The following CELSR1 variants were observed in gnomAD, a reference collection of about 807,000 sequenced individuals.
CELSR1 encodes the protein adhesion G protein-coupled receptor C1.
In CELSR1, 110 loss-of-function variants were observed where a neutral mutation model predicts 249.1. The observed-to-expected ratio is 0.44, with a 90% confidence interval of 0.38 to 0.52. The LOEUF is 0.52. CELSR1 is among the 20% of genes least tolerant of loss of function. CELSR1 has a pLI of 0.00. For missense variants in CELSR1, 4,109 were observed against 4,296.4 expected, an observed-to-expected ratio of 0.96 and a Z score of 1.22; for synonymous variants, 2,113 against 1,900.0, an observed-to-expected ratio of 1.11 and a Z score of -2.92.
At chr22:46,524,541 CGTGTGTGTGT>C (rs71192413) in intron 1 of CELSR1, among the ~76,000 whole-genome samples, 2 of 77,828 alleles carry the variant, frequency 2.6e-5, no homozygotes, top group Non-Finnish European at 2.6e-5. Context: ...CCGTTGTGTG[CGTGTGTGTGT>C]GTGTGTGTGT....
chr22:46,536,845 G>C lies in CELSR1; in HGVS notation c.326C>G (p.Thr109Arg). ...ACGGGCTCCGCAGCCGGGAAGGTGC[G>C]TGCGCGCCCGCAGGCGGCGGCTCAG... Reference protein sequence around the residue: ...TALSRRLRARTHLPGCGARAR... With the variant: ...TALSRRLRARRHLPGCGARAR... Residue 109 changes from threonine to arginine, a missense_variant, in exon 1 of 35, where the codon ACG (threonine) becomes AGG (arginine). Physicochemically the swap from Thr to Arg is moderately conservative, Grantham distance 71 (BLOSUM62 -1). Around this residue, in one of 7 missense-constraint regions of CELSR1, gnomAD observed 673 missense variants for 636.8 expected, o/e 1.06. Coordinates refer to ENST00000674500, the MANE Select transcript of CELSR1 (RefSeq NM_001378328.1). 8.1e-7 allele frequency: 1 copy of C among 1,232,656 alleles called. No homozygotes were observed. Among genetic ancestry groups the C allele is most frequent in the Non-Finnish European group, 1.0e-6 (1 of 983,774 alleles). 76.4% of individuals were successfully genotyped at this position (1,232,656 alleles called of 1,614,324 possible).
chr22:46,534,595 G>A lies in CELSR1; in HGVS notation c.2576C>T (p.Thr859Met), dbSNP rs375675019. 8.1e-6 allele frequency: 13 copies of A among 1,613,760 alleles called. No homozygotes were observed. Among genetic ancestry groups the A allele is most frequent in the East Asian group, 6.7e-5 (3 of 44,902 alleles). Residue 859 changes from threonine (T) to methionine (M), a missense_variant, in exon 1 of 35, where the codon ACG becomes ATG. Thr to Met is a moderately conservative substitution (Grantham distance 81). This residue lies in a region of CELSR1 where 886 missense variants were observed against 896.5 expected (regional missense o/e 0.99). Transcript: ENST00000674500. This position sits in a 1 kb window ranked among gnomAD's most constrained non-coding sequence, Gnocchi z 9.7. ...ELDYENQVAYTLTIMAQDNGI... is the reference protein window; with the variant it reads ...ELDYENQVAYMLTIMAQDNGI... ...GTTGTCCTGGGCCATGATGGTCAGC[G>A]TGTAGGCGACCTGGTTCTCATAGTC...
intron 2 of CELSR1, among the ~76,000 whole-genome samples, chr22:46,456,233 C>T (rs369404362): frequency 3.9e-5 from 6 of 152,248 alleles, no homozygotes; most frequent in African/African-American, 1.2e-4. Flanking sequence ...GCTAAGCAGA[C>T]GTCACTCCGC....
At chr22:46,405,352 C>T (rs911418797) in intron 9 of CELSR1, among the ~76,000 whole-genome samples, 19 of 149,166 alleles carry the variant, frequency 1.3e-4, no homozygotes, top group Non-Finnish European at 2.5e-4. Flanking sequence ...CCCAACTACT[C>T]GGGAGGCTGA....
chr22:46,390,428 G>A lies in CELSR1; in HGVS notation c.6309C>T (p.Asn2103=), dbSNP rs2079077348. 2 of 1,613,824 alleles carry A rather than the reference G, an allele frequency of 1.2e-6. No homozygotes were observed. Among genetic ancestry groups the A allele is most frequent in the South Asian group, 1.1e-5 (1 of 91,014 alleles). ...EKGWLPPELF[N]CTTISFVDLR... Reference sequence around the variant, plus strand: ...GGTCCACGAAGGAGATGGTGGTACAGTTAAAGAGCTCTGGGGGCAGCCAGC... The same window carrying A: ...GGTCCACGAAGGAGATGGTGGTACAATTAAAGAGCTCTGGGGGCAGCCAGC... Residue 2103 remains asparagine, a synonymous_variant, in exon 17 of 35, where the codon AAC becomes AAT. Transcript: ENST00000674500. This position sits in a 1 kb window ranked among gnomAD's most constrained non-coding sequence, Gnocchi z 6.3.
chr22:46,493,511 A>C (rs1602209105), intron 1 of CELSR1, among the ~76,000 whole-genome samples: 1 of 149,456 alleles, frequency 6.7e-6, no homozygotes, highest in Non-Finnish European at 1.5e-5. Context: ...ATGCCATTGC[A>C]CTCCAGCCTG....
chr22:46,387,373 G>A (rs1018891752), intron 18 of CELSR1, among the ~76,000 whole-genome samples: 2 of 144,154 alleles, frequency 1.4e-5, no homozygotes, highest in African/African-American at 5.9e-5. Context: ...AAGTCTTTTT[G>A]TTTGTTTGTT....
chr22:46,457,323 C>T (rs1261067416), intron 2 of CELSR1, among the ~76,000 whole-genome samples: 2 of 151,854 alleles, frequency 1.3e-5, no homozygotes, highest in Non-Finnish European at 2.9e-5. Flanking sequence ...CCAGCCCGGG[C>T]AACAGAGCAA....
rs1021094842 is a variant in CELSR1, at chr22:46,488,440, C to T, written c.3545-24095G>A. Among the ~76,000 whole-genome samples the T allele has an allele frequency of 1.3e-5, 2 of 152,178 alleles. No homozygotes were observed. Among genetic ancestry groups the T allele is most frequent in the Admixed American group, 1.3e-4 (2 of 15,280 alleles). On this transcript the variant is annotated intron_variant, in intron 1 of 34. Transcript: ENST00000674500. The surrounding 1 kb of genome is among the most constrained non-coding windows in gnomAD (Gnocchi z 4.7). ...AGGAGGCCACCGTAGTGCCATAGAG[C>T]GTGCACCTAGGCGTGCGTGCCAGTG...
intron 2 of CELSR1, among the ~76,000 whole-genome samples, chr22:46,463,447 C>T (rs911588614): frequency 6.6e-6 from 1 of 150,958 alleles, no homozygotes; most frequent in Admixed American, 6.6e-5. Flanking sequence ...ACCGAGGAGG[C>T]GGAGGTTGTA....
rs1422457748 is a variant in CELSR1, at chr22:46,437,424, G to C, written c.4407-1135C>G. 1.3e-5 allele frequency among the ~76,000 whole-genome samples: 2 copies of C among 152,202 alleles called. No homozygotes were observed. The highest frequency in any genetic ancestry group is 2.1e-4 in the South Asian group (1 of 4,836). On this transcript the variant is annotated intron_variant, in intron 3 of 34. Coordinates refer to ENST00000674500, the MANE Select transcript of CELSR1 (RefSeq NM_001378328.1). This position sits in a 1 kb window ranked among gnomAD's most constrained non-coding sequence, Gnocchi z 4.9. ...CTGCAGCAGGAGTCGGCCCGAGCCA[G>C]CCTCGAGCATCTGACCTCAGCCTTT...
intron 18 of CELSR1, among the ~76,000 whole-genome samples, chr22:46,387,369 T>TG (rs2079043899): frequency 6.6e-6 from 1 of 152,082 alleles, no homozygotes. Context: ...AAGGAAGTCT[T>TG]TTTGTTTGTT....
chr22:46,410,290 A>T lies in CELSR1; in HGVS notation c.4933+108T>A. The T allele has an allele frequency of 7.1e-7, 1 of 1,412,866 alleles. No individual in the cohort carries two copies. The highest frequency in any genetic ancestry group is 9.8e-7 in the Non-Finnish European group (1 of 1,024,586). The allele number at this position is 1,412,866 out of a possible 1,614,324, so 87.5% of individuals were successfully genotyped here. On this transcript the variant is annotated intron_variant, in intron 7 of 34. Coordinates refer to ENST00000674500, the MANE Select transcript of CELSR1 (RefSeq NM_001378328.1). This position sits in a 1 kb window ranked among gnomAD's most constrained non-coding sequence, Gnocchi z 6.8. ...CCACCGCTGGACACATACATTTCTA[A>T]GAAAAACACGGCTCCCCAGGGATCT...
Position 46,526,094 on chromosome 22 carries a change from G to A in CELSR1, c.3544+7533C>T, listed in dbSNP as rs1442050853. On this transcript the variant is annotated intron_variant, in intron 1 of 34. Coordinates refer to ENST00000674500, the MANE Select transcript of CELSR1 (RefSeq NM_001378328.1). This position sits in a 1 kb window ranked among gnomAD's most constrained non-coding sequence, Gnocchi z 4.7. ...CCGGGCAGCTGGTGCTGAGGTGGGC[G>A]CCCTGCCCTGGTGAGTCCATGTCCC... Among the ~76,000 whole-genome samples, 2 of 152,192 alleles carry A rather than the reference G, an allele frequency of 1.3e-5. No homozygotes were observed. The highest frequency in any genetic ancestry group is 1.9e-4 in the East Asian group (1 of 5,198).
chr22:46,525,603 G>T (rs1449999625), intron 1 of CELSR1, among the ~76,000 whole-genome samples: 1 of 152,208 alleles, frequency 6.6e-6, no homozygotes, highest in Non-Finnish European at 1.5e-5. Context: ...GCTGTGAACT[G>T]AAGAAATCAC....
chr22:46,536,485 G>T lies in CELSR1; in HGVS notation c.686C>A (p.Pro229Gln), dbSNP rs758996207. ...PPNLPEARAGPARRARRGTSG... is the reference protein window; with the variant it reads ...PPNLPEARAGQARRARRGTSG... Reference sequence around the variant, plus strand: ...CGTGCCCCGCCGGGCCCGTCGCGCCGGCCCCGCCCGGGCTTCGGGCAAGTT... The same window carrying T: ...CGTGCCCCGCCGGGCCCGTCGCGCCTGCCCCGCCCGGGCTTCGGGCAAGTT... The change falls in exon 1 of 35, where the codon CCG (proline) becomes CAG (glutamine). Residue 229 changes from proline (P) to glutamine (Q), a missense_variant. This residue lies in a region of CELSR1 where 673 missense variants were observed against 636.8 expected (regional missense o/e 1.06). Coordinates refer to ENST00000674500, the MANE Select transcript of CELSR1 (RefSeq NM_001378328.1). 114 of 1,592,638 alleles carry T rather than the reference G, an allele frequency of 7.2e-5. No homozygotes were observed. In the South Asian group the frequency reaches 1.2e-3, roughly 16 times the overall value.
Position 46,380,838 on chromosome 22 carries a change from C to T in CELSR1, c.7206G>A (p.Glu2402=), listed in dbSNP as rs1448845763. ...AGACAGGCTTGGTTCGCTCCTCCAC[C>T]TCCAGCAGGGCGAACTCCACCAGGA... is the stretch of plus-strand genomic sequence containing the variant. The part of the protein sequence containing the change: ...RPVLVEFALL[E]VEERTKPVCV... The change falls in exon 22 of 35, where the codon GAG becomes GAA. Residue 2402 remains glutamate, a synonymous_variant. Transcript: ENST00000674500. The surrounding 1 kb of genome is among the most constrained non-coding windows in gnomAD (Gnocchi z 5.1). 6.2e-7 allele frequency: 1 copy of T among 1,612,158 alleles called. No individual in the cohort carries two copies. The highest frequency in any genetic ancestry group is 1.7e-5 in the Admixed American group (1 of 60,018).
chr22:46,500,656 C>T lies in CELSR1; in HGVS notation c.3544+32971G>A, dbSNP rs1435749120. Reference sequence around the variant, plus strand: ...GGGGGAGTTTACAACAATGACTCTGCAGGCCTTTTGTCAGATGCCATTTTT... The same window carrying T: ...GGGGGAGTTTACAACAATGACTCTGTAGGCCTTTTGTCAGATGCCATTTTT... On this transcript the variant is annotated intron_variant, in intron 1 of 34. Transcript: ENST00000674500. The surrounding 1 kb of genome is among the most constrained non-coding windows in gnomAD (Gnocchi z 4.9). Among the ~76,000 whole-genome samples the T allele has an allele frequency of 6.6e-6, 1 of 152,206 alleles. No homozygotes were observed. Among genetic ancestry groups the T allele is most frequent in the Non-Finnish European group, 1.5e-5 (1 of 68,032 alleles).
Position 46,536,634 on chromosome 22 carries a change from G to T in CELSR1, c.537C>A (p.Val179=). The change falls in exon 1 of 35, where the codon GTC becomes GTA. Residue 179 remains valine (V), a synonymous_variant. Coordinates refer to ENST00000674500, the MANE Select transcript of CELSR1 (RefSeq NM_001378328.1). ...RPICLPPGGS[V]RLRLLCALRR... ...GCAGGGCGCACAGCAGACGCAGGCGGACCGAGCCGCCCGGCGGCAGGCAGA... is the reference window on the plus strand; with the variant it reads ...GCAGGGCGCACAGCAGACGCAGGCGTACCGAGCCGCCCGGCGGCAGGCAGA... 1.7e-6 allele frequency: 2 copies of T among 1,168,940 alleles called. No homozygotes were observed. The highest frequency in any genetic ancestry group is 3.2e-5 in the African/African-American group (2 of 61,684). The allele number at this position is 1,168,940 out of a possible 1,614,324, so 72.4% of individuals were successfully genotyped here.
Sources: allele counts gnomAD v4.1 joint callset (sites outside exome capture counted in the v4.1 genomes callset), GRCh38; gene constraint gnomAD v4.1.1; regional missense constraint gnomAD v4.1.1; non-coding constraint Gnocchi (gnomAD v3.1); transcripts MANE v1.5; gene names NCBI Gene and HGNC (gene_info 2026-07-23, HGNC 2026-07-21).